The following NRG3 variants were observed in gnomAD, a reference collection of about 807,000 sequenced individuals.
NRG3 encodes the protein neuregulin 3, also known as pro-neuregulin-3, membrane-bound isoform.
In NRG3, 31 loss-of-function variants were observed where a neutral mutation model predicts 66.9. The observed-to-expected ratio is 0.46, with a 90% CI of 0.35 to 0.63. NRG3 has a LOEUF of 0.63. NRG3 is among the 20% of genes least tolerant of loss of function. The pLI is 0.00. For synonymous variants in NRG3, 393 were observed against 359.4 expected, an observed-to-expected ratio of 1.09 and a Z score of -1.06; for missense variants, 910 against 878.9, an observed-to-expected ratio of 1.04 and a Z score of -0.45.
chr10:82,420,731 A>G (rs565638180), intron 2 of NRG3, among the ~76,000 whole-genome samples: 11 of 152,308 alleles, frequency 7.2e-5, no homozygotes, highest in African/African-American at 2.6e-4. Context: ...ATAATTTTTT[A>G]GAAAAGTACC....
At chr10:82,323,597 GGT>G (rs1425431619) in intron 1 of NRG3, among the ~76,000 whole-genome samples, 1 of 151,150 alleles carries the variant, frequency 6.6e-6, no homozygotes, top group Non-Finnish European at 1.5e-5. Flanking sequence ...CTTTGGTTTT[GGT>G]GTTGGAGGAA....
chr10:82,634,397 A>G (rs1455179103), intron 2 of NRG3, among the ~76,000 whole-genome samples: 1 of 151,702 alleles, frequency 6.6e-6, no homozygotes. Flanking sequence ...ACACACAGAA[A>G]GAAATCACTA....
At position 81,957,712 on chromosome 10, in the gene NRG3, T is replaced by A. The variant is rs554052714; in HGVS notation, c.823+81549T>A. On this transcript the variant is annotated intron_variant, in intron 1 of 8. Transcript: ENST00000372141. ...TAGACCGAGAACAGGAATGAAGAGT[T>A]GGGAATTAGGGTCTTTGGAAATTAA... is the stretch of plus-strand genomic sequence containing the variant. Among the ~76,000 whole-genome samples, 4 of 152,242 alleles carry A rather than the reference T, an allele frequency of 2.6e-5. No homozygotes were observed. The South Asian group carries it at 8.3e-4, about 32-fold the overall frequency.
intron 1 of NRG3, among the ~76,000 whole-genome samples, chr10:82,221,448 A>G (rs1368074709): frequency 2.0e-5 from 3 of 152,234 alleles, no homozygotes; most frequent in Admixed American, 6.5e-5. Flanking sequence ...CTAGTGCCCA[A>G]CTGGCTTCAA....
In NRG3 at chr10:82,369,578, G is replaced by A. The variant is rs1320303594; in HGVS notation, c.953+10710G>A. ...GCTTCCCAAAGTGCTGGGATTATAG[G>A]TGTAAACCACGGTGCCTGGCTTAGC... On this transcript the variant is annotated intron_variant, in intron 2 of 8. Transcript: ENST00000372141. 4.3e-5 allele frequency among the ~76,000 whole-genome samples: 6 copies of A among 138,294 alleles called. 1 individual carries two copies. The highest frequency in any genetic ancestry group is 4.3e-4 in the East Asian group (2 of 4,666). The allele number at this position is 138,294 out of a possible 152,430, so 90.7% of individuals were successfully genotyped here. A position where few individuals can be genotyped will look rare whatever the true frequency, so the allele number is the denominator to read the frequency against.
At chr10:82,940,790 A>C (rs928713961) in intron 4 of NRG3, among the ~76,000 whole-genome samples, 9 of 152,068 alleles carry the variant, frequency 5.9e-5, no homozygotes, top group African/African-American at 2.2e-4. Flanking sequence ...CCTATCTGTG[A>C]GGGTGGAGCC....
At chr10:82,719,109 C>T (rs1256157889) in intron 2 of NRG3, among the ~76,000 whole-genome samples, 2 of 152,108 alleles carry the variant, frequency 1.3e-5, no homozygotes, top group Non-Finnish European at 2.9e-5. Context: ...GGGGATAAAT[C>T]ACTCTCCCCA....
At chr10:82,053,952 A>T (rs995728924) in intron 1 of NRG3, among the ~76,000 whole-genome samples, 1 of 152,220 alleles carries the variant, frequency 6.6e-6, no homozygotes, top group African/African-American at 2.4e-5. Flanking sequence ...ATGGGGTGGA[A>T]TCATGTCTGA....
intron 1 of NRG3, among the ~76,000 whole-genome samples, chr10:82,304,381 A>G (rs1251616803): frequency 6.6e-6 from 1 of 152,160 alleles, no homozygotes; most frequent in East Asian, 1.9e-4. Context: ...CCTATTAGAA[A>G]CATAAACTCT....
chr10:82,033,722 T>G (rs887580153), intron 1 of NRG3, among the ~76,000 whole-genome samples: 3 of 152,104 alleles, frequency 2.0e-5, no homozygotes, highest in African/African-American at 7.2e-5. Context: ...GCAGGATGCA[T>G]CAGGGATTTG....
At chr10:82,210,648 G>A (rs1419535780) in intron 1 of NRG3, among the ~76,000 whole-genome samples, 2 of 152,116 alleles carry the variant, frequency 1.3e-5, no homozygotes, top group African/African-American at 2.4e-5. Flanking sequence ...GCTAGGCAGT[G>A]AGACCAAAAA....
At chr10:82,467,988 A>G (rs1377533350) in intron 2 of NRG3, among the ~76,000 whole-genome samples, 1 of 152,158 alleles carries the variant, frequency 6.6e-6, no homozygotes, top group East Asian at 1.9e-4. Flanking sequence ...TCCTAAGGGA[A>G]ATGGAAAACA....
intron 3 of NRG3, among the ~76,000 whole-genome samples, chr10:82,838,057 C>A (rs1308502211): frequency 6.6e-6 from 1 of 152,150 alleles, no homozygotes; most frequent in Non-Finnish European, 1.5e-5. Context: ...AGTGTCTGCA[C>A]ACACCATCAT....
At chr10:82,982,604 C>A (rs1479397328) in intron 8 of NRG3, among the ~76,000 whole-genome samples, 1 of 152,102 alleles carries the variant, frequency 6.6e-6, no homozygotes, top group African/African-American at 2.4e-5. Context: ...TAGAACAGGG[C>A]AGAGACATTA....
At chr10:82,951,003 A>G (rs1809311505) in intron 4 of NRG3, among the ~76,000 whole-genome samples, 1 of 152,168 alleles carries the variant, frequency 6.6e-6, no homozygotes, top group South Asian at 2.1e-4. Context: ...TAGTGATAGT[A>G]GGAAGAATGG....
At chr10:82,574,830 G>A (rs2045941561) in intron 2 of NRG3, among the ~76,000 whole-genome samples, 1 of 151,796 alleles carries the variant, frequency 6.6e-6, no homozygotes, top group South Asian at 2.1e-4. Context: ...GCCAGGCACA[G>A]AAGGATGAAT....
At chr10:82,245,898 A>G (rs1471302302) in intron 1 of NRG3, among the ~76,000 whole-genome samples, 1 of 150,152 alleles carries the variant, frequency 6.7e-6, no homozygotes, top group Non-Finnish European at 1.5e-5. Flanking sequence ...GTTAGAATAC[A>G]TTTATCCTAC....
intron 1 of NRG3, among the ~76,000 whole-genome samples, chr10:82,036,771 A>G (rs1019906065): frequency 6.6e-6 from 1 of 152,068 alleles, no homozygotes; most frequent in Non-Finnish European, 1.5e-5. Flanking sequence ...CTTTACATCT[A>G]TAACTAAATT....
intron 4 of NRG3, among the ~76,000 whole-genome samples, chr10:82,883,692 T>A (rs972181059): frequency 2.0e-5 from 3 of 152,126 alleles, no homozygotes; most frequent in African/African-American, 7.2e-5. Flanking sequence ...TATTATGATA[T>A]TATTTTCAAC....
Sources: gnomAD v4.1 joint callset for allele counts (sites outside exome capture counted in the v4.1 genomes callset) on GRCh38, gnomAD v4.1.1 for gene constraint, MANE v1.5 for transcripts, NCBI Gene and HGNC (gene_info 2026-07-23, HGNC 2026-07-21) for gene names.